NTNG1: variants seen among roughly 807,000 people sequenced by gnomAD.
NTNG1 encodes the protein netrin G1, also known as netrin-G1.
A neutral mutation model predicts 54.0 loss-of-function variants in NTNG1; 16 were observed. The ratio of observed to expected loss-of-function variants is 0.30; its 90% CI spans 0.20 to 0.45. The LOEUF is 0.45. NTNG1 is among the 20% of genes least tolerant of loss of function. NTNG1 has a pLI of 1.00. For missense variants in NTNG1, 530 were observed against 678.7 expected (o/e 0.78, Z 2.43); for synonymous variants, 255 against 263.1 (o/e 0.97, Z 0.30).
At chr1:107,152,741 G>T (rs1654674855) in intron 2 of NTNG1, among the ~76,000 whole-genome samples, 1 of 152,132 alleles carries the variant, frequency 6.6e-6, no homozygotes, top group Non-Finnish European at 1.5e-5. Flanking sequence ...AATATTATGA[G>T]GTGGACATTA....
intron 1 of NTNG1, among the ~76,000 whole-genome samples, chr1:107,141,851 C>A (rs1485588386): frequency 6.6e-6 from 1 of 152,268 alleles, no homozygotes; most frequent in Non-Finnish European, 1.5e-5. Context: ...GTTATTTTTT[C>A]TTTCTTTCGC....
rs116628835 is a variant in NTNG1, at chr1:107,312,119, C to A, written c.247-12163C>A. On this transcript the variant is annotated intron_variant, in intron 2 of 7. Coordinates refer to ENST00000370068, the MANE Select transcript of NTNG1 (RefSeq NM_001113226.3). ...GTTATAAGATGGCAATACTATATGG[C>A]GGGAGATAATTTTGAGCCTATTAAT... Among the ~76,000 whole-genome samples the A allele has an allele frequency of 1.3e-3, 198 of 152,044 alleles. 1 individual carries two copies. Among genetic ancestry groups the A allele is most frequent in the African/African-American group, 4.7e-3 (193 of 41,462 alleles).
At chr1:107,161,845 C>T (rs1341116994) in intron 2 of NTNG1, among the ~76,000 whole-genome samples, 6 of 150,336 alleles carry the variant, frequency 4.0e-5, no homozygotes, top group African/African-American at 1.2e-4. Context: ...GTATTTCCTT[C>T]TAGTCCATGC....
At chr1:107,283,742 G>T (rs1170826459) in intron 2 of NTNG1, among the ~76,000 whole-genome samples, 1 of 152,118 alleles carries the variant, frequency 6.6e-6, no homozygotes, top group Non-Finnish European at 1.5e-5. Context: ...TCATACTTGT[G>T]CTGAAGAACC....
At chr1:107,195,516 G>T (rs960033390) in intron 2 of NTNG1, among the ~76,000 whole-genome samples, 2 of 151,778 alleles carry the variant, frequency 1.3e-5, no homozygotes, top group African/African-American at 4.8e-5. Flanking sequence ...ATTTCACATG[G>T]GTAAAAGCCA....
Position 107,425,919 on chromosome 1 carries a change from C to G in NTNG1, c.1088-4831C>G, listed in dbSNP as rs79935485. On this transcript the variant is annotated intron_variant, in intron 5 of 7. Coordinates refer to ENST00000370068, the MANE Select transcript of NTNG1 (RefSeq NM_001113226.3). ...GTTAGTGTGATTTTAATTTACATTTCTCTGTTGATTAGTGATACTGAGAAT... is the reference window on the plus strand; with the variant it reads ...GTTAGTGTGATTTTAATTTACATTTGTCTGTTGATTAGTGATACTGAGAAT... Among the ~76,000 whole-genome samples the G allele has an allele frequency of 0.012, 1,780 of 152,134 alleles. 87 individuals are homozygous for G. The East Asian group carries it at 0.17, about 15-fold the overall frequency.
At chr1:107,397,692 T>C (rs1672765639) in intron 4 of NTNG1, among the ~76,000 whole-genome samples, 1 of 152,196 alleles carries the variant, frequency 6.6e-6, no homozygotes, top group Non-Finnish European at 1.5e-5. Flanking sequence ...TTGTCCATTG[T>C]TGGACAGTTT....
chr1:107,340,470 C>T (rs1668839751), intron 3 of NTNG1, among the ~76,000 whole-genome samples: 1 of 152,052 alleles, frequency 6.6e-6, no homozygotes, highest in Non-Finnish European at 1.5e-5. Context: ...GAATATCTCT[C>T]AGGGTTACAC....
At chr1:107,326,504 G>T (rs1667959461) in intron 3 of NTNG1, among the ~76,000 whole-genome samples, 1 of 152,078 alleles carries the variant, frequency 6.6e-6, no homozygotes, top group South Asian at 2.1e-4. Flanking sequence ...TCTTGGGGAA[G>T]TATGATATAT....
intron 2 of NTNG1, among the ~76,000 whole-genome samples, chr1:107,153,290 A>G (rs764590379): frequency 3.8e-4 from 58 of 152,204 alleles, no homozygotes; most frequent in Non-Finnish European, 7.2e-4. Flanking sequence ...GTGACCCTTG[A>G]GAAAAGAACT....
intron 3 of NTNG1, among the ~76,000 whole-genome samples, chr1:107,348,105 T>C (rs1311126493): frequency 1.0e-5 from 1 of 98,796 alleles, no homozygotes; most frequent in East Asian, 3.0e-4. Flanking sequence ...TTGCTTTTTT[T>C]GTTTGCTTTT....
At chr1:107,391,277 T>TA (rs1329156992) in intron 3 of NTNG1, among the ~76,000 whole-genome samples, 10 of 152,180 alleles carry the variant, frequency 6.6e-5, no homozygotes, top group Non-Finnish European at 1.5e-5. Flanking sequence ...TGGGAAATCT[T>TA]ACAATGGTTC....
chr1:107,355,759 G>C (rs1669900294), intron 3 of NTNG1, among the ~76,000 whole-genome samples: 1 of 151,986 alleles, frequency 6.6e-6, no homozygotes, highest in Non-Finnish European at 1.5e-5. Context: ...TTTATTTAGG[G>C]TTATCTTTGA....
intron 3 of NTNG1, among the ~76,000 whole-genome samples, chr1:107,388,694 G>C (rs1210571889): frequency 6.6e-6 from 1 of 152,188 alleles, no homozygotes; most frequent in African/African-American, 2.4e-5. Context: ...TGGCAAAGGA[G>C]GGATTTGAAC....
chr1:107,478,404 A>G (rs1230624836), intron 7 of NTNG1, among the ~76,000 whole-genome samples: 1 of 152,210 alleles, frequency 6.6e-6, no homozygotes, highest in Non-Finnish European at 1.5e-5. Flanking sequence ...ATTTCTCACA[A>G]CTATTAAAAT....
chr1:107,152,550 G>A (rs554424939), intron 2 of NTNG1, among the ~76,000 whole-genome samples: 6 of 152,252 alleles, frequency 3.9e-5, no homozygotes, highest in African/African-American at 7.2e-5. Context: ...TTAAACAGAC[G>A]CTTTGAAAAG....
At chr1:107,330,587 G>A (rs1247005464) in intron 3 of NTNG1, among the ~76,000 whole-genome samples, 1 of 152,018 alleles carries the variant, frequency 6.6e-6, no homozygotes, top group African/African-American at 2.4e-5. Context: ...ACTAAAATGG[G>A]GAATAAATAC....
Position 107,484,915 on chromosome 1 carries a change from A to T in NTNG1, c.*4075A>T, listed in dbSNP as rs1464831076. 6.6e-6 allele frequency among the ~76,000 whole-genome samples: 1 copy of T among 152,236 alleles called. No individual in the cohort carries two copies. The highest frequency in any genetic ancestry group is 1.9e-4 in the East Asian group (1 of 5,206). On this transcript the variant is annotated 3_prime_UTR_variant, in exon 8 of 8. Transcript: ENST00000370068. ...GTTTAACAGATTCTCTGCTCACAGG[A>T]TTGACCAAGATATGTGGGAACTGCA...
chr1:107,251,885 T>C (rs980756025), intron 2 of NTNG1, among the ~76,000 whole-genome samples: 1 of 152,186 alleles, frequency 6.6e-6, no homozygotes, highest in Non-Finnish European at 1.5e-5. Context: ...GCTGTTCCTA[T>C]AATCTGTGGG....
Sources: gnomAD v4.1 joint callset for allele counts (sites outside exome capture counted in the v4.1 genomes callset) on GRCh38, gnomAD v4.1.1 for gene constraint, MANE v1.5 for transcripts, NCBI Gene and HGNC (gene_info 2026-07-23, HGNC 2026-07-21) for gene names.